The following CFDP1 variants were observed in gnomAD, a reference collection of about 807,000 sequenced individuals.
The protein encoded by CFDP1 is chromatin remodeling protein CFDP1, also known as heterochromatin-stabilizing protein CFDP1.
A neutral mutation model predicts 40.1 loss-of-function variants in CFDP1; 31 were observed. The observed-to-expected ratio is 0.77, with a 90% CI of 0.58 to 1.04. The LOEUF (loss-of-function observed/expected upper bound fraction) is 1.04. Among genes scored for constraint, CFDP1 ranks in the 50% least tolerant of loss-of-function variants. The pLI, the probability that CFDP1 is intolerant of heterozygous loss-of-function variation, is 0.00. For missense variants in CFDP1, 423 were observed against 343.4 expected (o/e 1.23, Z -1.83); for synonymous variants, 167 against 120.0 (o/e 1.39, Z -2.56).
intron 1 of CFDP1, among the ~76,000 whole-genome samples, chr16:75,422,897 A>C (rs959621484): frequency 6.6e-6 from 1 of 151,668 alleles, no homozygotes; most frequent in Non-Finnish European, 1.5e-5. Flanking sequence ...TAATGCCAGC[A>C]CTTTGGGAGG....
intron 5 of CFDP1, among the ~76,000 whole-genome samples, chr16:75,345,904 C>T (rs11866475): frequency 0.023 from 3,500 of 152,278 alleles, 77 homozygotes; most frequent in African/African-American, 0.057. Context: ...GTCATGTCAT[C>T]GGTGACTAAG....
At chr16:75,417,751 A>T (rs1484366845) in intron 1 of CFDP1, among the ~76,000 whole-genome samples, 3 of 152,002 alleles carry the variant, frequency 2.0e-5, no homozygotes, top group African/African-American at 2.4e-5. Context: ...TAAACAAAAG[A>T]TCTATTCCCA....
chr16:75,411,463 T>C (rs2079162006), intron 4 of CFDP1, among the ~76,000 whole-genome samples: 1 of 152,174 alleles, frequency 6.6e-6, no homozygotes, highest in African/African-American at 2.4e-5. Flanking sequence ...TTTTCAATTA[T>C]TATCTGATTT....
intron 5 of CFDP1, chr16:75,363,017 G>A (rs1567657397): frequency 6.6e-6 from 1 of 152,034 alleles, no homozygotes; most frequent in Admixed American, 6.6e-5. Flanking sequence ...ATGACCCAGT[G>A]GCATGTGAAC....
intron 5 of CFDP1, among the ~76,000 whole-genome samples, chr16:75,320,280 G>A (rs980629716): frequency 5.9e-5 from 9 of 152,106 alleles, no homozygotes; most frequent in African/African-American, 2.2e-4. Flanking sequence ...GCGCTTTTAT[G>A]TGACCATGAC....
chr16:75,408,768 C>A (rs578242336), intron 4 of CFDP1, among the ~76,000 whole-genome samples: 50 of 152,062 alleles, frequency 3.3e-4, no homozygotes, highest in Non-Finnish European at 6.3e-4. Context: ...GATCAAGACC[C>A]TGTCTCAAAA....
chr16:75,384,900 T>G (rs867676952), intron 5 of CFDP1, among the ~76,000 whole-genome samples: 5 of 113,100 alleles, frequency 4.4e-5, no homozygotes, highest in African/African-American at 1.9e-4. Context: ...ATATATATAT[T>G]GCAGACCAGT....
chr16:75,411,392 C>T (rs138252544), intron 4 of CFDP1, among the ~76,000 whole-genome samples: 129 of 152,250 alleles, frequency 8.5e-4, no homozygotes, highest in African/African-American at 2.6e-3. Flanking sequence ...TCCTGGGCTA[C>T]AGAGCAAGAC....
At chr16:75,393,443 C>T (rs531650191) in intron 5 of CFDP1, among the ~76,000 whole-genome samples, 2 of 152,120 alleles carry the variant, frequency 1.3e-5, no homozygotes, top group East Asian at 3.9e-4. Flanking sequence ...GAAGGCCCAC[C>T]CTAAAAAAGC....
At chr16:75,375,147 C>T (rs1047516587) in intron 5 of CFDP1, among the ~76,000 whole-genome samples, 1 of 150,120 alleles carries the variant, frequency 6.7e-6, no homozygotes, top group Admixed American at 6.6e-5. Flanking sequence ...TAAAAAAAGG[C>T]AAAATCTTCT....
At chr16:75,412,030 C>A in intron 3 of CFDP1, 78 bp from the exon 4 acceptor site, 1 of 1,422,652 alleles carries the variant, frequency 7.0e-7, no homozygotes, top group Non-Finnish European at 9.3e-7. Flanking sequence ...ATTTTTTTTT[C>A]TTTGAGATAG....
At chr16:75,397,414 C>T (rs572924062) in intron 4 of CFDP1, among the ~76,000 whole-genome samples, 2 of 151,626 alleles carry the variant, frequency 1.3e-5, no homozygotes, top group Non-Finnish European at 2.9e-5. Context: ...ACTTAGGAGG[C>T]TGAATCACTT....
At chr16:75,385,913 C>A (rs1239152240) in intron 5 of CFDP1, among the ~76,000 whole-genome samples, 1 of 152,164 alleles carries the variant, frequency 6.6e-6, no homozygotes, top group Non-Finnish European at 1.5e-5. Flanking sequence ...ACTACCATAA[C>A]TTCACATACC....
At chr16:75,352,286 A>G (rs2078618245) in intron 5 of CFDP1, among the ~76,000 whole-genome samples, 1 of 152,112 alleles carries the variant, frequency 6.6e-6, no homozygotes, top group South Asian at 2.1e-4. Context: ...GGTTGCAGTG[A>G]GTCGAGATCA....
At chr16:75,344,629 A>T (rs2078549461) in intron 5 of CFDP1, among the ~76,000 whole-genome samples, 1 of 152,192 alleles carries the variant, frequency 6.6e-6, no homozygotes, top group South Asian at 2.1e-4. Flanking sequence ...CCCAGAAGTA[A>T]CATCATTTAG....
chr16:75,364,479 C>T (rs2078700570), intron 5 of CFDP1, among the ~76,000 whole-genome samples: 1 of 152,094 alleles, frequency 6.6e-6, no homozygotes, highest in Admixed American at 6.5e-5. Flanking sequence ...AACACGAAGA[C>T]ATTATTTGCC....
chr16:75,429,610 G>A (rs553235152), intron 1 of CFDP1, among the ~76,000 whole-genome samples: 30 of 152,276 alleles, frequency 2.0e-4, no homozygotes, highest in African/African-American at 5.5e-4. Context: ...CCAAGATCAC[G>A]CTACTGCACT....
At chr16:75,374,687 C>T (rs2078778750) in intron 5 of CFDP1, among the ~76,000 whole-genome samples, 2 of 151,914 alleles carry the variant, frequency 1.3e-5, no homozygotes, top group African/African-American at 4.8e-5. Flanking sequence ...ATGGGAACCA[C>T]ATACCTAGTT....
intron 5 of CFDP1, among the ~76,000 whole-genome samples, chr16:75,367,511 G>A (rs966784585): frequency 6.6e-6 from 1 of 151,738 alleles, no homozygotes; most frequent in Non-Finnish European, 1.5e-5. Flanking sequence ...CTTAACAGTC[G>A]GCTGGGTGCA....
Sources: allele counts gnomAD v4.1 joint callset (sites outside exome capture counted in the v4.1 genomes callset), GRCh38; gene constraint gnomAD v4.1.1; transcripts MANE v1.5; gene names NCBI Gene and HGNC (gene_info 2026-07-23, HGNC 2026-07-21).